The following APBA2 variants were observed in gnomAD, a reference collection of about 807,000 sequenced individuals.
APBA2 encodes the protein amyloid-beta A4 precursor protein-binding family A member 2.
In APBA2, 30 loss-of-function variants were observed where a neutral mutation model predicts 75.0. That is an observed-to-expected ratio of 0.40 (90% confidence interval 0.30 to 0.54). The LOEUF (loss-of-function observed/expected upper bound fraction) is 0.54, where lower values mean the gene tolerates loss of function less well. Among genes scored for constraint, APBA2 ranks in the 20% least tolerant of loss-of-function variants. APBA2 has a pLI of 0.49. For synonymous variants in APBA2, 444 were observed against 409.6 expected, an observed-to-expected ratio of 1.08 and a Z score of -1.01; for missense variants, 801 against 1,016.1, an observed-to-expected ratio of 0.79 and a Z score of 2.88.
chr15:28,936,076 GGTTTTCC>G, intron 2 of APBA2, among the ~76,000 whole-genome samples: 1 of 152,180 alleles, frequency 6.6e-6, no homozygotes, highest in Non-Finnish European at 1.5e-5. Flanking sequence ...TCTCCTGAGA[GGTTTTCC>G]AATCTAGTAG....
chr15:28,936,102 C>T (rs144766411), intron 2 of APBA2, among the ~76,000 whole-genome samples: 116 of 152,246 alleles, frequency 7.6e-4, no homozygotes, highest in African/African-American at 2.6e-3. Context: ...AGAAAATAGA[C>T]GCAGAGTTTG....
intron 4 of APBA2, among the ~76,000 whole-genome samples, chr15:29,057,395 T>A (rs75831872): frequency 0.01 from 1,568 of 152,328 alleles, 30 homozygotes; most frequent in African/African-American, 0.036. Flanking sequence ...GTCCTGGATA[T>A]TTTGAAGAGG....
chr15:28,988,000 G>A (rs1311951637), intron 2 of APBA2, among the ~76,000 whole-genome samples: 5 of 151,604 alleles, frequency 3.3e-5, no homozygotes, highest in Admixed American at 2.0e-4. Context: ...CAAGTGGTCT[G>A]CCCGCCTCAG....
At chr15:28,905,049 A>T (rs1431243251) in intron 1 of APBA2, among the ~76,000 whole-genome samples, 1 of 152,068 alleles carries the variant, frequency 6.6e-6, no homozygotes, top group Non-Finnish European at 1.5e-5. Context: ...GTAGGTTGAA[A>T]CCAAGCCCTC....
At chr15:28,892,561 T>C (rs1341390890) in intron 1 of APBA2, among the ~76,000 whole-genome samples, 2 of 151,674 alleles carry the variant, frequency 1.3e-5, no homozygotes, top group South Asian at 2.1e-4. Flanking sequence ...CTATGATGTT[T>C]GCACAATGAT....
At chr15:29,022,572 G>A (rs1468633926) in intron 3 of APBA2, among the ~76,000 whole-genome samples, 1 of 152,058 alleles carries the variant, frequency 6.6e-6, no homozygotes, top group Non-Finnish European at 1.5e-5. Context: ...CCCACCAGCT[G>A]ATTTGACATG....
At position 29,115,918 on chromosome 15, in the gene APBA2, C is replaced by A. The variant is rs534303595; in HGVS notation, c.2179-1144C>A. Among the ~76,000 whole-genome samples the A allele has an allele frequency of 1.8e-4, 28 of 152,278 alleles. No individual in the cohort carries two copies. In the East Asian group the frequency reaches 5.4e-3, roughly 30 times the overall value. On this transcript the variant is annotated intron_variant, in intron 14 of 14. Coordinates refer to ENST00000683413, the MANE Select transcript of APBA2 (RefSeq NM_001353788.2). ...AGGGGCAGATGCACGGCGGCTGCAC[C>A]CCGTGGGGAGGCCAGCATGCCTGCG... is the stretch of plus-strand genomic sequence containing the variant.
intron 6 of APBA2, among the ~76,000 whole-genome samples, chr15:29,082,999 T>C (rs1299278640): frequency 1.3e-5 from 2 of 151,964 alleles, no homozygotes; most frequent in Non-Finnish European, 2.9e-5. Flanking sequence ...GAGTTAGAGG[T>C]TGCAGTGAGC....
At chr15:29,011,643 G>A (rs1477925456) in intron 3 of APBA2, among the ~76,000 whole-genome samples, 1 of 152,144 alleles carries the variant, frequency 6.6e-6, no homozygotes, top group Admixed American at 6.5e-5. Flanking sequence ...ATGGGTAATT[G>A]TGGTGTTCAA....
At chr15:28,917,194 C>G (rs2033725118) in intron 1 of APBA2, among the ~76,000 whole-genome samples, 1 of 152,092 alleles carries the variant, frequency 6.6e-6, no homozygotes, top group Non-Finnish European at 1.5e-5. Flanking sequence ...CTCCAAACCC[C>G]CAGGAAAGCA....
At position 29,114,035 on chromosome 15, in the gene APBA2, TGTGCCTCTGCATGCCGGTTCCCAC is replaced by T. The variant is rs1282028613; in HGVS notation, c.2178+24_2178+47del. 2 of 1,613,448 alleles carry T rather than the reference TGTGCCTCTGCATGCCGGTTCCCAC, an allele frequency of 1.2e-6. No homozygotes were observed. Among genetic ancestry groups the T allele is most frequent in the Non-Finnish European group, 8.5e-7 (1 of 1,180,016 alleles). Reference sequence around the variant, plus strand: ...CGGAGAGGTAAGGAGGGACTTTGAGTGTGCCTCTGCATGCCGGTTCCCACGTGCTCCCGCCTGCCCTCCATGAGC... The same window carrying T: ...CGGAGAGGTAAGGAGGGACTTTGAGTGTGCTCCCGCCTGCCCTCCATGAGC... On this transcript the variant is annotated intron_variant, in intron 14 of 14. Coordinates refer to ENST00000683413, the MANE Select transcript of APBA2 (RefSeq NM_001353788.2).
chr15:28,926,182 T>C (rs945519607), intron 2 of APBA2, among the ~76,000 whole-genome samples: 1 of 152,192 alleles, frequency 6.6e-6, no homozygotes, highest in Non-Finnish European at 1.5e-5. Flanking sequence ...TAAATGATTA[T>C]TGAGGTACTT....
chr15:28,955,225 C>T (rs1278029560), intron 2 of APBA2, among the ~76,000 whole-genome samples: 1 of 152,000 alleles, frequency 6.6e-6, no homozygotes, highest in African/African-American at 2.4e-5. Context: ...TTCTTACTCT[C>T]ATTAGAGGTG....
At chr15:28,926,899 C>G (rs2034296449) in intron 2 of APBA2, among the ~76,000 whole-genome samples, 3 of 149,980 alleles carry the variant, frequency 2.0e-5, no homozygotes, top group Admixed American at 2.0e-4. Context: ...CTCTGTTGCC[C>G]AGGCTGGAGT....
chr15:29,095,217 C>T (rs12909555), intron 8 of APBA2, among the ~76,000 whole-genome samples: 98,072 of 152,094 alleles, frequency 0.64, 38,034 homozygotes, highest in Non-Finnish European at 0.85. Flanking sequence ...CACCTGAGGT[C>T]GGGAGTTCGA....
chr15:29,115,968 G>GC lies in APBA2; in HGVS notation c.2179-1088dup, dbSNP rs113453179. On this transcript the variant is annotated intron_variant, in intron 14 of 14. Transcript: ENST00000683413. ...GGCAGCTGACCCTGGCAGTGCGAGG[G>GC]CCCCCCATCCGGAGGCCGCAGCCTA... Among the ~76,000 whole-genome samples, 14 of 152,212 alleles carry GC rather than the reference G, an allele frequency of 9.2e-5. No individual in the cohort carries two copies. The South Asian group carries it at 1.2e-3, about 14-fold the overall frequency.
At chr15:29,005,567 T>C (rs1212927157) in intron 3 of APBA2, among the ~76,000 whole-genome samples, 1 of 152,192 alleles carries the variant, frequency 6.6e-6, no homozygotes, top group Admixed American at 6.5e-5. Flanking sequence ...TGCTGCTTTT[T>C]AAATAAAAAC....
At chr15:29,113,295 T>C (rs1280446989) in intron 13 of APBA2, among the ~76,000 whole-genome samples, 1 of 151,870 alleles carries the variant, frequency 6.6e-6, no homozygotes, top group Admixed American at 6.6e-5. Context: ...TGAGACCCTG[T>C]CTCCAACAAA....
chr15:28,911,655 A>G (rs939849819), intron 1 of APBA2, among the ~76,000 whole-genome samples: 6 of 152,246 alleles, frequency 3.9e-5, no homozygotes, highest in Non-Finnish European at 1.5e-5. Context: ...TTCACATTTT[A>G]AAAAACAAAA....
Sources: gnomAD v4.1 joint callset for allele counts (sites outside exome capture counted in the v4.1 genomes callset) on GRCh38, gnomAD v4.1.1 for gene constraint, MANE v1.5 for transcripts, NCBI Gene and HGNC (gene_info 2026-07-23, HGNC 2026-07-21) for gene names.